Variants in CDH13 observed in about 807,000 individuals in gnomAD.
CDH13 encodes the protein cadherin 13, also known as cadherin-13.
Under a neutral mutation model 63.8 loss-of-function variants are expected in CDH13, and 24 were observed. The observed-to-expected ratio is 0.38, with a 90% CI of 0.27 to 0.53. The LOEUF is 0.53. Among genes scored for constraint, CDH13 ranks in the 20% least tolerant of loss-of-function variants. CDH13 has a pLI of 0.85. For missense variants in CDH13, 1,049 were observed against 903.1 expected, an observed-to-expected ratio of 1.16 and a Z score of -2.07; for synonymous variants, 503 against 355.3, an observed-to-expected ratio of 1.42 and a Z score of -4.67.
chr16:82,720,135 G>A (rs77112326), intron 1 of CDH13, among the ~76,000 whole-genome samples: 8 of 151,926 alleles, frequency 5.3e-5, no homozygotes, highest in Admixed American at 2.6e-4. Flanking sequence ...TAAGATAATC[G>A]TTTGCTCAAT....
intron 6 of CDH13, among the ~76,000 whole-genome samples, chr16:83,368,545 T>C (rs1311575293): frequency 6.6e-6 from 1 of 152,056 alleles, no homozygotes; most frequent in Non-Finnish European, 1.5e-5. Flanking sequence ...CAATAGGTTT[T>C]TTGGGAACAG....
intron 7 of CDH13, among the ~76,000 whole-genome samples, chr16:83,534,065 T>G (rs985739551): frequency 3.3e-5 from 5 of 152,198 alleles, no homozygotes; most frequent in Non-Finnish European, 7.3e-5. Context: ...AGGCACCACC[T>G]CTATCTATAT....
intron 1 of CDH13, among the ~76,000 whole-genome samples, chr16:82,725,004 A>T (rs1294372964): frequency 6.6e-6 from 1 of 152,234 alleles, no homozygotes; most frequent in African/African-American, 2.4e-5. Context: ...CTGAGATAAT[A>T]CATTTTAAAT....
In CDH13 at chr16:83,019,854, A is replaced by C. The variant is rs1337787785; in HGVS notation, c.158-12156A>C. Among the ~76,000 whole-genome samples the C allele has an allele frequency of 4.0e-5, 6 of 150,814 alleles. 1 individual carries two copies. Among genetic ancestry groups the C allele is most frequent in the East Asian group, 1.9e-4 (1 of 5,154 alleles). On this transcript the variant is annotated intron_variant, in intron 2 of 13. Coordinates refer to ENST00000567109, the MANE Select transcript of CDH13 (RefSeq NM_001257.5). ...TACACTCTAAAAAAAAAAAAAAAAA[A>C]CAATAAAAACGATAGTATATTAAAT...
chr16:83,584,925 A>T (rs1186362255), intron 7 of CDH13, among the ~76,000 whole-genome samples: 6 of 152,122 alleles, frequency 3.9e-5, no homozygotes, highest in Admixed American at 2.6e-4. Flanking sequence ...TGCCAAATTT[A>T]AACAACCAGG....
intron 1 of CDH13, among the ~76,000 whole-genome samples, chr16:82,782,280 G>A (rs1453352917): frequency 3.9e-5 from 6 of 152,152 alleles, no homozygotes; most frequent in Non-Finnish European, 8.8e-5. Context: ...TAAACAAATG[G>A]GCTGGGCACA....
chr16:83,785,201 G>A (rs1667490968), intron 13 of CDH13, among the ~76,000 whole-genome samples: 2 of 152,180 alleles, frequency 1.3e-5, no homozygotes, highest in South Asian at 4.1e-4. Flanking sequence ...CCATAAACTG[G>A]GTGGCTTATA....
At chr16:83,684,152 A>G (rs913434218) in intron 10 of CDH13, among the ~76,000 whole-genome samples, 2 of 152,182 alleles carry the variant, frequency 1.3e-5, no homozygotes, top group African/African-American at 4.8e-5. Context: ...GGATCACTTG[A>G]GATCAGGAGT....
chr16:82,991,680 C>A (rs56019142), intron 2 of CDH13, among the ~76,000 whole-genome samples: 1 of 152,152 alleles, frequency 6.6e-6, no homozygotes, highest in African/African-American at 2.4e-5. Context: ...TCTCAAGCAA[C>A]CGCTGATGTG....
chr16:83,031,300 TC>T (rs1916301488), intron 2 of CDH13, among the ~76,000 whole-genome samples: 1 of 143,610 alleles, frequency 7.0e-6, no homozygotes, highest in Non-Finnish European at 1.6e-5. Flanking sequence ...TGCGCATGTA[TC>T]CATGCGCATG....
At chr16:82,986,199 A>G (rs1052690001) in intron 2 of CDH13, among the ~76,000 whole-genome samples, 11 of 152,188 alleles carry the variant, frequency 7.2e-5, no homozygotes, top group Non-Finnish European at 1.3e-4. Flanking sequence ...CTCTGTAGAG[A>G]TCAATACTGT....
intron 6 of CDH13, among the ~76,000 whole-genome samples, chr16:83,415,856 C>G (rs957297794): frequency 3.9e-5 from 6 of 152,144 alleles, no homozygotes; most frequent in Non-Finnish European, 7.4e-5. Context: ...GATAGGGATA[C>G]TCACTGTCAC....
chr16:82,839,922 AT>A (rs1789777463), intron 1 of CDH13, among the ~76,000 whole-genome samples: 1 of 152,222 alleles, frequency 6.6e-6, no homozygotes, highest in African/African-American at 2.4e-5. Context: ...ACACTTTGAA[AT>A]ATTACATTAA....
intron 6 of CDH13, among the ~76,000 whole-genome samples, chr16:83,434,742 G>A (rs956326341): frequency 1.3e-5 from 2 of 151,186 alleles, no homozygotes; most frequent in African/African-American, 4.9e-5. Context: ...TTTGTCTTTG[G>A]TTCCTCTGCT....
chr16:83,265,535 G>T (rs1368527609), intron 5 of CDH13, among the ~76,000 whole-genome samples: 1 of 151,856 alleles, frequency 6.6e-6, no homozygotes, highest in African/African-American at 2.4e-5. Flanking sequence ...TGACCACTCT[G>T]TTGTTGTATT....
At position 82,716,147 on chromosome 16, in the gene CDH13, C is replaced by G. The variant is rs1394434873; in HGVS notation, c.45+89010C>G. Among the ~76,000 whole-genome samples, 3 of 152,188 alleles carry G rather than the reference C, an allele frequency of 2.0e-5. No individual in the cohort carries two copies. The South Asian group carries it at 6.2e-4, about 32-fold the overall frequency. ...GGAGACTGCAACAGCTGCCAGAGAGCCATGGCACTCCTCAATCCCCCGAGG... is the reference window on the plus strand; with the variant it reads ...GGAGACTGCAACAGCTGCCAGAGAGGCATGGCACTCCTCAATCCCCCGAGG... On this transcript the variant is annotated intron_variant, in intron 1 of 13. Coordinates refer to ENST00000567109, the MANE Select transcript of CDH13 (RefSeq NM_001257.5).
chr16:83,461,758 T>C (rs992592763), intron 6 of CDH13, among the ~76,000 whole-genome samples: 1 of 152,134 alleles, frequency 6.6e-6, no homozygotes, highest in Non-Finnish European at 1.5e-5. Context: ...TAACTAGCAA[T>C]GTAAAAGATC....
At chr16:83,380,542 T>G (rs373795895) in intron 6 of CDH13, among the ~76,000 whole-genome samples, 3 of 152,234 alleles carry the variant, frequency 2.0e-5, no homozygotes, top group African/African-American at 7.2e-5. Flanking sequence ...GTGAGACATT[T>G]CTTTTTATCA....
chr16:83,748,538 G>GTGC (rs1320653422), intron 11 of CDH13, among the ~76,000 whole-genome samples: 1 of 152,206 alleles, frequency 6.6e-6, no homozygotes, highest in African/African-American at 2.4e-5. Flanking sequence ...CCACGCTGAT[G>GTGC]TGCTTTGTCT....
Sources: gnomAD v4.1 joint callset for allele counts (sites outside exome capture counted in the v4.1 genomes callset) on GRCh38, gnomAD v4.1.1 for gene constraint, MANE v1.5 for transcripts, NCBI Gene and HGNC (gene_info 2026-07-23, HGNC 2026-07-21) for gene names.